The following RAPGEF1 variants were observed in gnomAD, a reference collection of about 807,000 sequenced individuals.
RAPGEF1 encodes the protein Rap guanine nucleotide exchange factor 1.
Under a neutral mutation model 143.3 loss-of-function variants are expected in RAPGEF1, and 33 were observed. That is an observed-to-expected ratio of 0.23 (90% confidence interval 0.17 to 0.31). The LOEUF (loss-of-function observed/expected upper bound fraction) is 0.31. RAPGEF1 is among the 10% of genes least tolerant of loss of function. RAPGEF1 has a pLI of 1.00. For missense variants in RAPGEF1, 1,199 were observed against 1,645.4 expected (o/e 0.73, Z 4.69); for synonymous variants, 629 against 676.5 (o/e 0.93, Z 1.09).
chr9:131,679,620 C>T (rs541491182), intron 1 of RAPGEF1, among the ~76,000 whole-genome samples: 1 of 152,360 alleles, frequency 6.6e-6, no homozygotes, highest in African/African-American at 2.4e-5. Flanking sequence ...CTACCAGCTT[C>T]TGTGGGTCAG....
At chr9:131,707,817 C>T (rs1194711662) in intron 1 of RAPGEF1, among the ~76,000 whole-genome samples, 1 of 152,194 alleles carries the variant, frequency 6.6e-6, no homozygotes, top group Non-Finnish European at 1.5e-5. Flanking sequence ...TTATAGATAG[C>T]ATAACTCTTC....
intron 1 of RAPGEF1, among the ~76,000 whole-genome samples, chr9:131,696,309 T>C (rs1400193371): frequency 6.6e-6 from 1 of 152,188 alleles, no homozygotes; most frequent in Non-Finnish European, 1.5e-5. Context: ...AGTCTGCTCA[T>C]GTAGACAAAG....
intron 17 of RAPGEF1, among the ~76,000 whole-genome samples, chr9:131,593,008 G>T (rs2132305045): frequency 6.6e-6 from 1 of 152,358 alleles, no homozygotes; most frequent in South Asian, 2.1e-4. Flanking sequence ...CTCCCAAAGT[G>T]CTGGGATTAC....
chr9:131,592,750 T>C (rs971194837), intron 17 of RAPGEF1, among the ~76,000 whole-genome samples: 20 of 152,218 alleles, frequency 1.3e-4, no homozygotes, highest in Admixed American at 5.9e-4. Flanking sequence ...TTTAAATTTT[T>C]ATTATGATTA....
intron 1 of RAPGEF1, among the ~76,000 whole-genome samples, chr9:131,711,908 T>C (rs79632830): frequency 0.085 from 12,871 of 152,158 alleles, 644 homozygotes; most frequent in Middle Eastern, 0.27. Context: ...GGCCACTGTG[T>C]TAAACCAGGC....
chr9:131,658,721 A>C (rs1261862679), intron 1 of RAPGEF1, among the ~76,000 whole-genome samples: 2 of 152,206 alleles, frequency 1.3e-5, no homozygotes, highest in African/African-American at 2.4e-5. Context: ...CTCAACAGAA[A>C]ACCAAGCAGA....
chr9:131,725,529 G>C (rs552649660), intron 1 of RAPGEF1: 5 of 152,226 alleles, frequency 3.3e-5, no homozygotes, highest in African/African-American at 1.2e-4. Context: ...CGCTATCAGA[G>C]CTCACTGCAG....
chr9:131,605,300 C>T (rs1956941851), intron 12 of RAPGEF1, 112 bp from the exon 13 acceptor site: 2 of 1,004,398 alleles, frequency 2.0e-6, no homozygotes, highest in Non-Finnish European at 2.6e-6. Flanking sequence ...ATAACTTAGT[C>T]TAACGGGCCA....
chr9:131,637,549 A>G (rs1212287822), intron 5 of RAPGEF1, among the ~76,000 whole-genome samples: 2 of 152,180 alleles, frequency 1.3e-5, no homozygotes, highest in Non-Finnish European at 2.9e-5. Flanking sequence ...TTGAGTGGGA[A>G]GGAATTTTTT....
At chr9:131,709,506 C>T in intron 1 of RAPGEF1, 1 of 895,416 alleles carries the variant, frequency 1.1e-6, no homozygotes, top group Non-Finnish European at 1.8e-6. Context: ...ACTACCTGTG[C>T]TTTCTGCTCT....
intron 1 of RAPGEF1, among the ~76,000 whole-genome samples, chr9:131,706,412 G>A (rs1360253809): frequency 1.3e-5 from 2 of 151,928 alleles, no homozygotes; most frequent in Admixed American, 1.3e-4. Context: ...ACTTGCGCGC[G>A]CCACCATGCC....
At chr9:131,685,305 G>T (rs1482101773) in intron 1 of RAPGEF1, among the ~76,000 whole-genome samples, 1 of 152,204 alleles carries the variant, frequency 6.6e-6, no homozygotes, top group African/African-American at 2.4e-5. Flanking sequence ...CGGACATGTT[G>T]GGAGCAGGCC....
chr9:131,600,551 T>G (rs1346645313), intron 15 of RAPGEF1, among the ~76,000 whole-genome samples: 2 of 152,104 alleles, frequency 1.3e-5, no homozygotes, highest in African/African-American at 4.8e-5. Flanking sequence ...ATGCAATGCC[T>G]TCTCATTTCT....
intron 1 of RAPGEF1, among the ~76,000 whole-genome samples, chr9:131,699,615 C>T (rs920780579): frequency 1.3e-5 from 2 of 152,188 alleles, no homozygotes; most frequent in Non-Finnish European, 2.9e-5. Flanking sequence ...TCTTGGTCCT[C>T]AAGGGATTTG....
At chr9:131,727,266 G>A (rs539742447) in intron 1 of RAPGEF1, among the ~76,000 whole-genome samples, 16 of 152,086 alleles carry the variant, frequency 1.1e-4, no homozygotes, top group Non-Finnish European at 2.1e-4. Context: ...CCAAGACCCC[G>A]GGTATTTGCG....
chr9:131,633,208 C>T (rs1965416785), intron 5 of RAPGEF1, among the ~76,000 whole-genome samples: 1 of 152,126 alleles, frequency 6.6e-6, no homozygotes, highest in Non-Finnish European at 1.5e-5. Context: ...CTGGTGATTA[C>T]AAACAGGACA....
intron 1 of RAPGEF1, among the ~76,000 whole-genome samples, chr9:131,704,807 G>GTGCC (rs1834928479): frequency 1.3e-5 from 2 of 152,114 alleles, no homozygotes; most frequent in Non-Finnish European, 2.9e-5. Context: ...GTCAGGCAGG[G>GTGCC]TGCCTGCCTG....
chr9:131,686,770 C>T (rs1434225729), intron 1 of RAPGEF1, among the ~76,000 whole-genome samples: 1 of 152,226 alleles, frequency 6.6e-6, no homozygotes, highest in Non-Finnish European at 1.5e-5. Flanking sequence ...GTGCCCAGCA[C>T]AGTGCCAGAG....
chr9:131,629,135 G>A lies in RAPGEF1; in HGVS notation c.860C>T (p.Pro287Leu), dbSNP rs1441052004. ...AACCACCCGAATGCCAGGCAGAGGA[G>A]GCTTGGGGGGCGCGACCTCTTCATC... ...ATDEEVAPPK[P>L]PLPGIRVVDN... is the part of the protein sequence containing the mutation. The change falls in exon 7 of 27, where the codon CCT (proline) becomes CTT (leucine). Residue 287 changes from proline to leucine, a missense_variant. By Grantham distance (98) the Pro-to-Leu change is moderately conservative. Transcript: ENST00000683357. 1.2e-6 allele frequency: 2 copies of A among 1,614,034 alleles called. No individual in the cohort carries two copies. Among genetic ancestry groups the A allele is most frequent in the Admixed American group, 1.7e-5 (1 of 60,030 alleles).
Sources: gnomAD v4.1 joint callset for allele counts (sites outside exome capture counted in the v4.1 genomes callset) on GRCh38, gnomAD v4.1.1 for gene constraint, MANE v1.5 for transcripts, NCBI Gene and HGNC (gene_info 2026-07-23, HGNC 2026-07-21) for gene names.